Variants in GTF2H1 observed in about 807,000 individuals in gnomAD.
GTF2H1 encodes general transcription factor IIH subunit 1.
In GTF2H1, 16 loss-of-function variants were observed where a neutral mutation model predicts 71.2. That is an observed-to-expected ratio of 0.22 (90% CI 0.15 to 0.34). GTF2H1 has a LOEUF of 0.34. Among genes scored for constraint, GTF2H1 ranks in the 10% least tolerant of loss-of-function variants. The probability of loss-of-function intolerance (pLI) is 1.00; values close to 1 mark genes in which losing one functional copy is unlikely to be tolerated. For synonymous variants in GTF2H1, 215 were observed against 219.0 expected (o/e 0.98, Z 0.16); for missense variants, 498 against 648.2 (o/e 0.77, Z 2.52).
intron 14 of GTF2H1, among the ~76,000 whole-genome samples, chr11:18,362,668 CTTTTTTT>C (rs35306497): frequency 4.6e-5 from 5 of 107,930 alleles, no homozygotes; most frequent in East Asian, 2.7e-4. Flanking sequence ...TTTTCTTTTT[CTTTTTTT>C]TTTTTTTTTT....
intron 5 of GTF2H1, among the ~76,000 whole-genome samples, chr11:18,340,075 G>A (rs372527162): frequency 2.0e-5 from 3 of 151,986 alleles, no homozygotes; most frequent in South Asian, 2.1e-4. Context: ...TTCTGTTCTC[G>A]CTTCCCTCTT....
chr11:18,351,403 TC>T (rs1462053963), intron 9 of GTF2H1, among the ~76,000 whole-genome samples: 1 of 151,304 alleles, frequency 6.6e-6, no homozygotes, highest in East Asian at 1.9e-4. Flanking sequence ...TGCCTCAGCC[TC>T]CCAAGTAGCT....
intron 7 of GTF2H1, among the ~76,000 whole-genome samples, chr11:18,344,666 TC>T (rs1006149689): frequency 2.0e-5 from 3 of 148,410 alleles, no homozygotes; most frequent in Admixed American, 1.3e-4. Context: ...ATCCTAATAA[TC>T]CCCTATGTGA....
intron 4 of GTF2H1, among the ~76,000 whole-genome samples, chr11:18,338,854 G>C (rs1476126828): frequency 6.6e-6 from 1 of 152,148 alleles, no homozygotes; most frequent in Admixed American, 6.5e-5. Flanking sequence ...CATGCTGGTA[G>C]TCAAATGGAA....
chr11:18,332,452 T>G (rs761823964), intron 1 of GTF2H1, among the ~76,000 whole-genome samples: 2 of 152,188 alleles, frequency 1.3e-5, no homozygotes, highest in Admixed American at 1.3e-4. Context: ...CTTAGGTAAC[T>G]AGTTAGGCAT....
In GTF2H1 at chr11:18,352,403, GT is replaced by G; in HGVS notation, c.1218del (p.Ser406ArgfsTer13). The stretch of plus-strand genomic sequence containing the variant: ...CAGGACATTATTAATTCTTTTCAAA[GT>G]ATTAGACAAGAAATGGAAGCTTATA... Reference protein sequence around the residue: ...TSQDIINSFQSIRQEMEAYTP... With the variant: ...TSQDIINSFQXIRQEMEAYTP... On this transcript the variant is annotated frameshift_variant, in exon 11 of 15. Coordinates refer to ENST00000265963, the MANE Select transcript of GTF2H1 (RefSeq NM_005316.4). LOFTEE classifies it high-confidence loss of function. 1 of 1,574,790 alleles carries G rather than the reference GT, an allele frequency of 6.4e-7. No individual in the cohort carries two copies. Among genetic ancestry groups the G allele is most frequent in the Non-Finnish European group, 8.7e-7 (1 of 1,144,416 alleles).
At chr11:18,341,927 A>G (rs2133968253) in intron 7 of GTF2H1, 1 of 186,616 alleles carries the variant, frequency 5.4e-6, no homozygotes, top group South Asian at 1.2e-4. Context: ...ATCTAAAGAA[A>G]TATGGATAAA....
intron 1 of GTF2H1, among the ~76,000 whole-genome samples, 188 bp downstream of exon 1, chr11:18,322,928 T>C (rs1864556229): frequency 6.6e-6 from 1 of 152,160 alleles, no homozygotes; most frequent in South Asian, 2.1e-4. Context: ...ACCCCTAATC[T>C]ACTTGTCTAA....
At chr11:18,354,207 G>A (rs1865489982) in intron 11 of GTF2H1, among the ~76,000 whole-genome samples, 1 of 152,166 alleles carries the variant, frequency 6.6e-6, no homozygotes, top group African/African-American at 2.4e-5. Context: ...CTCCACAGAA[G>A]TAATGTTGTA....
intron 12 of GTF2H1, 53 bp downstream of exon 12, chr11:18,358,095 C>T: frequency 8.1e-7 from 1 of 1,227,006 alleles, no homozygotes; most frequent in Non-Finnish European, 1.2e-6. Context: ...CTTTAAAAAG[C>T]AAGCTGGGAG....
intron 1 of GTF2H1, among the ~76,000 whole-genome samples, chr11:18,329,905 T>C (rs1440558303): frequency 6.6e-6 from 1 of 152,230 alleles, no homozygotes; most frequent in African/African-American, 2.4e-5. Flanking sequence ...ACATACTGTA[T>C]GATTCCTTTC....
In GTF2H1 at chr11:18,347,852, C is replaced by G. The variant is rs760029885; in HGVS notation, c.986C>G (p.Thr329Ser). Reference sequence around the variant, plus strand: ...TTAAGAGAAGCACAAAATGAACAAACTAGTGAGCCCAGCAACATGGATGGA... The same window carrying G: ...TTAAGAGAAGCACAAAATGAACAAAGTAGTGAGCCCAGCAACATGGATGGA... ...LRKQEAQNEQ[T>S]SEPSNMDGNS... Residue 329 changes from threonine (T) to serine (S), a missense_variant, in exon 9 of 15, where the codon ACT becomes AGT. This residue lies in a region of GTF2H1 where 266 missense variants were observed against 301.6 expected (regional missense o/e 0.88). Transcript: ENST00000265963. 3 of 1,609,798 alleles carry G rather than the reference C, an allele frequency of 1.9e-6. No homozygotes were observed. In the African/African-American group the frequency reaches 4.0e-5, roughly 22 times the overall value.
chr11:18,336,850 G>C (rs1250423434), intron 3 of GTF2H1, among the ~76,000 whole-genome samples: 3 of 151,802 alleles, frequency 2.0e-5, no homozygotes, highest in Non-Finnish European at 4.4e-5. Context: ...CACCTCCTGG[G>C]TTCAAGCAGT....
Position 18,365,824 on chromosome 11 carries a change from CA to C in GTF2H1, c.1604del (p.Lys535SerfsTer10). On this transcript the variant is annotated frameshift_variant, in exon 15 of 15. Coordinates refer to ENST00000265963, the MANE Select transcript of GTF2H1 (RefSeq NM_005316.4). LOFTEE classifies it high-confidence loss of function. ...IEEMLQTAYN[K>X]LHTWQSRRLM... The stretch of plus-strand genomic sequence containing the variant: ...AAGAGATGCTCCAGACAGCCTACAA[CA>C]AGCTCCACACATGGCAGTCACGGCG... 6.2e-7 allele frequency: 1 copy of C among 1,613,894 alleles called. No homozygotes were observed. Among genetic ancestry groups the C allele is most frequent in the Non-Finnish European group, 8.5e-7 (1 of 1,179,802 alleles).
intron 7 of GTF2H1, chr11:18,341,956 A>T (rs1865166821): frequency 5.6e-6 from 1 of 178,958 alleles, no homozygotes; most frequent in Non-Finnish European, 1.2e-5. Context: ...TAAGGAAGAT[A>T]ACAAACATTT....
At chr11:18,353,315 C>A (rs1451572367) in intron 11 of GTF2H1, among the ~76,000 whole-genome samples, 1 of 152,206 alleles carries the variant, frequency 6.6e-6, no homozygotes, top group African/African-American at 2.4e-5. Flanking sequence ...CCCTTCACTG[C>A]AGTAGTCTGA....
chr11:18,346,401 A>G (rs1865294138), intron 7 of GTF2H1, among the ~76,000 whole-genome samples: 1 of 152,090 alleles, frequency 6.6e-6, no homozygotes, highest in South Asian at 2.1e-4. Flanking sequence ...GGCAAGCACC[A>G]GTTTATCTTA....
At chr11:18,336,359 C>T (rs1004466588) in intron 3 of GTF2H1, among the ~76,000 whole-genome samples, 3 of 151,790 alleles carry the variant, frequency 2.0e-5, no homozygotes, top group Admixed American at 6.6e-5. Context: ...ACTTCCTGAC[C>T]GCCAGTGATC....
In GTF2H1 at chr11:18,358,250, A is replaced by G. The variant is rs1237322224; in HGVS notation, c.1351+208A>G. ...GTCTTACTATTACAAATAGTGGTAC[A>G]TTGCTAGTTTCTCTAATATCATAGT... is the stretch of plus-strand genomic sequence containing the variant. On this transcript the variant is annotated intron_variant, in intron 12 of 14. Transcript: ENST00000265963. 2.5e-5 allele frequency: 15 copies of G among 593,024 alleles called. No homozygotes were observed. In the Admixed American group the frequency reaches 2.6e-4, roughly 10 times the overall value. 36.7% of individuals were successfully genotyped at this position (593,024 alleles called of 1,614,324 possible).
Sources: allele counts gnomAD v4.1 joint callset (sites outside exome capture counted in the v4.1 genomes callset), GRCh38; gene constraint gnomAD v4.1.1; regional missense constraint gnomAD v4.1.1; transcripts MANE v1.5; gene names NCBI Gene and HGNC (gene_info 2026-07-23, HGNC 2026-07-21).